Variants in DTNA observed in about 807,000 individuals in gnomAD.
DTNA encodes dystrobrevin alpha, also known as dystrophin-related protein 3.
A neutral mutation model predicts 100.7 loss-of-function variants in DTNA; 43 were observed. The observed-to-expected ratio is 0.43, with a 90% CI of 0.33 to 0.55. The LOEUF (loss-of-function observed/expected upper bound fraction) is 0.55. Ranked by LOEUF, DTNA falls within the 20% of genes least tolerant of loss-of-function variation. The pLI, the probability that DTNA is intolerant of heterozygous loss-of-function variation, is 0.04. For missense variants in DTNA, 798 were observed against 953.9 expected, an observed-to-expected ratio of 0.84 and a Z score of 2.15; for synonymous variants, 349 against 347.9, an observed-to-expected ratio of 1.00 and a Z score of -0.04.
At chr18:34,875,657 C>A (rs964489577) in intron 18 of DTNA, among the ~76,000 whole-genome samples, 8 of 152,194 alleles carry the variant, frequency 5.3e-5, no homozygotes, top group African/African-American at 1.9e-4. Flanking sequence ...GACAGGAAAT[C>A]TTTTCACCAA....
chr18:34,603,033 TA>T (rs1453992689), intron 1 of DTNA, among the ~76,000 whole-genome samples: 41 of 151,252 alleles, frequency 2.7e-4, no homozygotes, highest in Middle Eastern at 3.4e-3. Context: ...AAAATAAATT[TA>T]ATTTAATTTA....
chr18:34,710,837 T>C (rs566769931), intron 1 of DTNA, among the ~76,000 whole-genome samples: 10 of 152,280 alleles, frequency 6.6e-5, no homozygotes, highest in African/African-American at 2.4e-4. Flanking sequence ...GGACACCTTA[T>C]TAGTGGCATT....
At chr18:34,528,830 A>G (rs2042887084) in intron 1 of DTNA, among the ~76,000 whole-genome samples, 1 of 152,094 alleles carries the variant, frequency 6.6e-6, no homozygotes, top group East Asian at 1.9e-4. Context: ...AATTTGCCAT[A>G]TTTACATAGT....
intron 1 of DTNA, among the ~76,000 whole-genome samples, chr18:34,599,051 A>T (rs1490177919): frequency 6.6e-6 from 1 of 152,216 alleles, no homozygotes; most frequent in Non-Finnish European, 1.5e-5. Flanking sequence ...TGGACCACTT[A>T]TAAACTTTTT....
chr18:34,718,375 C>T (rs1338238196), intron 1 of DTNA, among the ~76,000 whole-genome samples: 1 of 152,066 alleles, frequency 6.6e-6, no homozygotes, highest in Non-Finnish European at 1.5e-5. Flanking sequence ...TCCAAAAATA[C>T]AAGAATTTTA....
intron 1 of DTNA, among the ~76,000 whole-genome samples, chr18:34,604,740 A>C (rs2052650834): frequency 6.6e-6 from 1 of 152,150 alleles, no homozygotes; most frequent in Admixed American, 6.6e-5. Context: ...GACATGAGGG[A>C]AATGTTTAAC....
intron 3 of DTNA, among the ~76,000 whole-genome samples, chr18:34,787,952 C>T (rs1484466900): frequency 2.0e-5 from 3 of 152,116 alleles, no homozygotes; most frequent in Admixed American, 2.0e-4. Flanking sequence ...TGTCTATTCT[C>T]GATGTGGTTA....
At chr18:34,783,352 T>C (rs578203031) in intron 3 of DTNA, among the ~76,000 whole-genome samples, 1 of 152,356 alleles carries the variant, frequency 6.6e-6, no homozygotes, top group Admixed American at 6.5e-5. Context: ...TACCAGGGCC[T>C]GTGAAGATTG....
At chr18:34,608,711 G>A (rs1479375474) in intron 1 of DTNA, among the ~76,000 whole-genome samples, 1 of 152,100 alleles carries the variant, frequency 6.6e-6, no homozygotes, top group Non-Finnish European at 1.5e-5. Flanking sequence ...CTCTTTGTGA[G>A]AATAAAAGTC....
intron 1 of DTNA, among the ~76,000 whole-genome samples, chr18:34,734,307 T>C (rs1266760472): frequency 6.6e-6 from 1 of 152,132 alleles, no homozygotes; most frequent in Admixed American, 6.5e-5. Context: ...AGGGAGGGGA[T>C]GTTGACTCTA....
rs146129126 is a variant in DTNA at position 34,529,898 on chromosome 18, G to A, written c.-2+36384G>A. Reference sequence around the variant, plus strand: ...GAGAATATGCTTCAGAAGTACCTCAGTTCTCTTAACCAAAGTTTTAGTAGT... The same window carrying A: ...GAGAATATGCTTCAGAAGTACCTCAATTCTCTTAACCAAAGTTTTAGTAGT... On this transcript the variant is annotated intron_variant, in intron 1 of 19. Coordinates refer to the DTNA transcript ENST00000283365. Among the ~76,000 whole-genome samples the A allele has an allele frequency of 1.6e-4, 25 of 152,160 alleles. No individual in the cohort carries two copies. In the East Asian group the frequency reaches 4.8e-3, roughly 29 times the overall value.
At chr18:34,633,682 CAT>C (rs1568076418) in intron 1 of DTNA, among the ~76,000 whole-genome samples, 1 of 152,202 alleles carries the variant, frequency 6.6e-6, no homozygotes, top group Admixed American at 6.5e-5. Flanking sequence ...CACTCACACA[CAT>C]GCCACATTTC....
At chr18:34,558,587 G>A (rs1444717120) in intron 1 of DTNA, among the ~76,000 whole-genome samples, 2 of 152,122 alleles carry the variant, frequency 1.3e-5, no homozygotes, top group Non-Finnish European at 1.5e-5. Context: ...TATATTATGT[G>A]ATGCAAATAA....
intron 6 of DTNA, 61 bp from the exon 7 acceptor site, chr18:34,815,848 A>G (rs781752367): frequency 1.9e-5 from 26 of 1,349,532 alleles, no homozygotes; most frequent in Non-Finnish European, 2.8e-5. Context: ...TATGATATTT[A>G]CATAGCAGGT....
At chr18:34,694,902 A>C (rs548758040) in intron 1 of DTNA, among the ~76,000 whole-genome samples, 1 of 152,268 alleles carries the variant, frequency 6.6e-6, no homozygotes, top group African/African-American at 2.4e-5. Context: ...TCAGTTAAAC[A>C]GGTTCTGGTT....
chr18:34,742,056 G>C (rs796984352), intron 1 of DTNA, among the ~76,000 whole-genome samples: 10 of 152,266 alleles, frequency 6.6e-5, no homozygotes, highest in African/African-American at 2.4e-4. Context: ...CCTGTCTAAA[G>C]GATATTTAGG....
intron 1 of DTNA, among the ~76,000 whole-genome samples, chr18:34,653,790 C>A (rs2073964368): frequency 6.6e-6 from 1 of 152,018 alleles, no homozygotes; most frequent in Admixed American, 6.6e-5. Flanking sequence ...CCACTGCACT[C>A]CAGCTTGGGT....
chr18:34,524,388 C>T (rs1323310941), intron 1 of DTNA, among the ~76,000 whole-genome samples: 1 of 152,042 alleles, frequency 6.6e-6, no homozygotes, highest in East Asian at 1.9e-4. Flanking sequence ...TTTATATTTA[C>T]CGTTAAAAAT....
intron 4 of DTNA, among the ~76,000 whole-genome samples, chr18:34,801,513 CTTTT>C (rs555362184): frequency 7.1e-6 from 1 of 140,400 alleles, no homozygotes. Context: ...AATAAAATAA[CTTTT>C]TTTTTTTTTT....
Sources: allele counts gnomAD v4.1 joint callset (sites outside exome capture counted in the v4.1 genomes callset), GRCh38; gene constraint gnomAD v4.1.1; transcripts MANE v1.5; gene names NCBI Gene and HGNC (gene_info 2026-07-23, HGNC 2026-07-21).